The following CCL26 variants were observed in gnomAD, a reference collection of about 807,000 sequenced individuals.
The protein encoded by CCL26 is C-C motif chemokine ligand 26.
In CCL26, 10 loss-of-function variants were observed where a neutral mutation model predicts 10.7. The observed-to-expected ratio is 0.93, with a 90% CI of 0.57 to 1.58. The LOEUF is 1.58. Among genes scored for constraint, CCL26 ranks in the 40% most tolerant of loss-of-function variants. The pLI, the probability that CCL26 is intolerant of heterozygous loss-of-function variation, is 0.00. For missense variants in CCL26, 116 were observed against 111.0 expected (o/e 1.05, Z -0.20); for synonymous variants, 43 against 41.4 (o/e 1.04, Z -0.15).
At chr7:75,786,236 G>A (rs35625173) in intron 1 of CCL26, among the ~76,000 whole-genome samples, 17 of 152,014 alleles carry the variant, frequency 1.1e-4, no homozygotes, top group Admixed American at 2.0e-4. Flanking sequence ...CCCCATTTCC[G>A]CATATTTCCT....
chr7:75,788,139 T>C (rs187710474), intron 1 of CCL26, among the ~76,000 whole-genome samples: 3 of 152,260 alleles, frequency 2.0e-5, no homozygotes, highest in Non-Finnish European at 1.5e-5. Flanking sequence ...GTTTTATTTT[T>C]CTTATTAATA....
chr7:75,779,187 C>A lies in CCL26; in HGVS notation c.-78-6933G>T, dbSNP rs550430143. 2.0e-5 allele frequency among the ~76,000 whole-genome samples: 3 copies of A among 152,094 alleles called. 1 individual carries two copies. Among genetic ancestry groups the A allele is most frequent in the South Asian group, 4.1e-4 (2 of 4,826 alleles). ...ACCTACCCAAATCCTATAAAACAGC[C>A]CCACCCCTATCTCCCTTCGCTGACT... On this transcript the variant is annotated intron_variant, in intron 1 of 3. Coordinates refer to the CCL26 transcript ENST00000394905.
At chr7:75,774,566 C>T (rs115562638), upstream of CCL26, among the ~76,000 whole-genome samples, 2,294 of 152,150 alleles carry the variant, frequency 0.015, 63 homozygotes, top group African/African-American at 0.052. Context: ...TCTGCCTCAG[C>T]CTCTGAGTAG....
chr7:75,783,138 C>G (rs1162853589), intron 1 of CCL26, among the ~76,000 whole-genome samples: 1 of 152,152 alleles, frequency 6.6e-6, no homozygotes, highest in Non-Finnish European at 1.5e-5. Context: ...GCCTTTTTCT[C>G]TATCAGACAT....
chr7:75,790,913 C>T (rs375477520), upstream of CCL26, among the ~76,000 whole-genome samples: 105 of 150,540 alleles, frequency 7.0e-4, no homozygotes, highest in African/African-American at 2.4e-3. Flanking sequence ...CACTGCACTC[C>T]GGCCTGGGCG....
upstream of CCL26, among the ~76,000 whole-genome samples, chr7:75,773,180 A>AAAAC (rs1196295814): frequency 6.6e-6 from 1 of 152,148 alleles, no homozygotes; most frequent in African/African-American, 2.4e-5. Flanking sequence ...AAAACAAAAC[A>AAAAC]AAACAAACAA....
At chr7:75,786,991 C>A (rs1803206328) in intron 1 of CCL26, among the ~76,000 whole-genome samples, 1 of 152,164 alleles carries the variant, frequency 6.6e-6, no homozygotes, top group African/African-American at 2.4e-5. Flanking sequence ...TGTTCAGGCC[C>A]CATCCCTTTC....
upstream of CCL26, among the ~76,000 whole-genome samples, chr7:75,773,162 C>T (rs543092915): frequency 1.3e-5 from 2 of 151,916 alleles, no homozygotes; most frequent in Admixed American, 6.6e-5. Flanking sequence ...CACAATCACC[C>T]GAGGCTTAAA....
chr7:75,791,261 G>A (rs570589673), upstream of CCL26, among the ~76,000 whole-genome samples: 1 of 152,086 alleles, frequency 6.6e-6, no homozygotes, highest in South Asian at 2.1e-4. Context: ...TCCTGGCCTC[G>A]TGATCCACCC....
chr7:75,778,628 CTT>C (rs1186207338), intron 1 of CCL26, among the ~76,000 whole-genome samples: 17 of 129,508 alleles, frequency 1.3e-4, no homozygotes, highest in Non-Finnish European at 9.9e-5. Flanking sequence ...GTTCTTTGCA[CTT>C]TTTTTTTTTT....
At chr7:75,771,297 T>C (rs957811068) in intron 2 of CCL26, among the ~76,000 whole-genome samples, 10 of 152,132 alleles carry the variant, frequency 6.6e-5, no homozygotes, top group African/African-American at 2.4e-4. Context: ...CCACAATCAA[T>C]TTTAGGATAT....
chr7:75,779,207 C>A (rs1165698021), intron 1 of CCL26, among the ~76,000 whole-genome samples: 2 of 152,138 alleles, frequency 1.3e-5, no homozygotes, highest in Admixed American at 6.6e-5. Flanking sequence ...TCTCCCTTCG[C>A]TGACTCTTTT....
chr7:75,790,526 A>G (rs1030889048), upstream of CCL26, among the ~76,000 whole-genome samples: 55 of 152,030 alleles, frequency 3.6e-4, no homozygotes, highest in African/African-American at 1.3e-3. Context: ...CAGCCTCCCA[A>G]AGTGCTAGGA....
intron 1 of CCL26, among the ~76,000 whole-genome samples, chr7:75,777,721 G>GAAAAAAAAC (rs1802971518): frequency 1.7e-5 from 1 of 60,542 alleles, no homozygotes; most frequent in Non-Finnish European, 2.8e-5. Flanking sequence ...TCCTGTCTCA[G>GAAAAAAAAC]AAAAAAAAAA....
At chr7:75,777,131 C>G (rs1554528838), upstream of CCL26, among the ~76,000 whole-genome samples, 2 of 152,076 alleles carry the variant, frequency 1.3e-5, no homozygotes. Context: ...ACTCAGGAGG[C>G]TGAGACAGGA....
At chr7:75,789,013 C>T (rs1803263561) in intron 1 of CCL26, among the ~76,000 whole-genome samples, 1 of 151,836 alleles carries the variant, frequency 6.6e-6, no homozygotes, top group Non-Finnish European at 1.5e-5. Flanking sequence ...CTCAACTTTC[C>T]AAGGCTCAAG....
rs139248946 is a variant in CCL26 at position 75,785,984 on chromosome 7, C to G, written c.-79+3733G>C. ...CCACCCTAATACTTTTAGAGGCCCT[C>G]AAAATCGCAAACTATGCTCAACTCA... is the stretch of plus-strand genomic sequence containing the variant. On this transcript the variant is annotated intron_variant, in intron 1 of 3. Coordinates refer to the CCL26 transcript ENST00000394905. Among the ~76,000 whole-genome samples the G allele has an allele frequency of 2.9e-3, 437 of 152,316 alleles. 2 individuals are homozygous for G. Among genetic ancestry groups the G allele is most frequent in the African/African-American group, 9.5e-3 (396 of 41,574 alleles).
chr7:75,771,492 G>A (rs1391770966), intron 2 of CCL26, among the ~76,000 whole-genome samples: 3 of 152,168 alleles, frequency 2.0e-5, no homozygotes, highest in Admixed American at 6.6e-5. Flanking sequence ...AGGCTGAGGC[G>A]GGCAAATCAC....
At chr7:75,770,442 C>T (rs373295862) in intron 2 of CCL26, among the ~76,000 whole-genome samples, 1 of 151,560 alleles carries the variant, frequency 6.6e-6, no homozygotes, top group African/African-American at 2.4e-5. Context: ...AGTGCAATGG[C>T]GCGATCTCGG....
Sources: gnomAD v4.1 joint callset for allele counts (sites outside exome capture counted in the v4.1 genomes callset) on GRCh38, gnomAD v4.1.1 for gene constraint, MANE v1.5 for transcripts, NCBI Gene and HGNC (gene_info 2026-07-23, HGNC 2026-07-21) for gene names.